FBXL17: variants seen among roughly 807,000 people sequenced by gnomAD.
FBXL17 encodes F-box/LRR-repeat protein 17.
Under a neutral mutation model 66.2 loss-of-function variants are expected in FBXL17, and 22 were observed. That is an observed-to-expected ratio of 0.33 (90% confidence interval 0.24 to 0.47). FBXL17 has a LOEUF of 0.47. Ranked by LOEUF, FBXL17 falls within the 20% of genes least tolerant of loss-of-function variation. The pLI, the probability that FBXL17 is intolerant of heterozygous loss-of-function variation, is 1.00. For synonymous variants in FBXL17, 474 were observed against 400.5 expected, an observed-to-expected ratio of 1.18 and a Z score of -2.19; for missense variants, 878 against 948.2, an observed-to-expected ratio of 0.93 and a Z score of 0.97.
At chr5:108,079,488 C>G (rs1748683124) in intron 6 of FBXL17, among the ~76,000 whole-genome samples, 1 of 152,034 alleles carries the variant, frequency 6.6e-6, no homozygotes, top group Admixed American at 6.5e-5. Context: ...ATGAAAGACA[C>G]TGGGTAGAGT....
chr5:108,034,574 A>G (rs563681195), intron 6 of FBXL17, among the ~76,000 whole-genome samples: 1 of 152,280 alleles, frequency 6.6e-6, no homozygotes, highest in South Asian at 2.1e-4. Flanking sequence ...AAATTGCTCA[A>G]TTTTAAGAAA....
intron 7 of FBXL17, among the ~76,000 whole-genome samples, chr5:107,978,810 G>T (rs866172248): frequency 6.6e-6 from 1 of 152,200 alleles, no homozygotes; most frequent in Non-Finnish European, 1.5e-5. Flanking sequence ...CTGTTGTCTT[G>T]CATGTGGCTA....
rs866190287 is a variant in FBXL17 at position 107,974,818 on chromosome 5, T to C, written c.1822+46107A>G. Among the ~76,000 whole-genome samples, 11 of 152,196 alleles carry C rather than the reference T, an allele frequency of 7.2e-5. No homozygotes were observed. In the Middle Eastern group the frequency reaches 0.01, roughly 141 times the overall value. ...TCTCACTAGACTCAGATTTATGGAA[T>C]GTTTGATAAAGAGACATCTACTAAC... On this transcript the variant is annotated intron_variant, in intron 7 of 8. Transcript: ENST00000542267.
At chr5:108,367,802 T>C (rs183744963) in intron 2 of FBXL17, 29 bp downstream of exon 2, 1 of 1,536,902 alleles carries the variant, frequency 6.5e-7, no homozygotes, top group Non-Finnish European at 8.8e-7. Flanking sequence ...GTAGGTCATA[T>C]GAGTGTTACT....
intron 6 of FBXL17, among the ~76,000 whole-genome samples, chr5:108,139,183 G>C (rs963522748): frequency 1.3e-5 from 2 of 152,184 alleles, no homozygotes; most frequent in African/African-American, 4.8e-5. Flanking sequence ...GGACCACTGG[G>C]GAAAGGGCAA....
At chr5:108,372,348 G>A (rs975319252) in intron 1 of FBXL17, among the ~76,000 whole-genome samples, 1 of 152,146 alleles carries the variant, frequency 6.6e-6, no homozygotes, top group Non-Finnish European at 1.5e-5. Context: ...AAAAGAGAGT[G>A]AAAGAGGCCT....
chr5:108,131,214 T>C (rs1224694490), intron 6 of FBXL17, among the ~76,000 whole-genome samples: 1 of 152,164 alleles, frequency 6.6e-6, no homozygotes, highest in Admixed American at 6.5e-5. Flanking sequence ...TCCTTGAGCA[T>C]CTAATGAATC....
At chr5:108,093,968 C>T (rs763806722) in intron 6 of FBXL17, among the ~76,000 whole-genome samples, 14 of 152,066 alleles carry the variant, frequency 9.2e-5, no homozygotes, top group African/African-American at 2.9e-4. Context: ...TAATTTTAGA[C>T]GTCTGTATTC....
intron 7 of FBXL17, among the ~76,000 whole-genome samples, chr5:107,902,227 C>T (rs1430291116): frequency 2.6e-5 from 4 of 151,930 alleles, no homozygotes; most frequent in Admixed American, 1.3e-4. Context: ...TCAGCAGTTC[C>T]GAAGTTAGCT....
intron 7 of FBXL17, among the ~76,000 whole-genome samples, chr5:107,895,676 A>T (rs1400964845): frequency 6.6e-6 from 1 of 152,060 alleles, no homozygotes; most frequent in Non-Finnish European, 1.5e-5. Flanking sequence ...ATTGTAAATG[A>T]TTCTATGTTT....
intron 7 of FBXL17, among the ~76,000 whole-genome samples, chr5:107,987,028 T>C (rs1753036763): frequency 6.6e-6 from 1 of 151,988 alleles, no homozygotes; most frequent in African/African-American, 2.4e-5. Flanking sequence ...GACAAAAATG[T>C]CACATAACTG....
chr5:108,310,020 C>G (rs1357575282), intron 4 of FBXL17, among the ~76,000 whole-genome samples: 1 of 152,076 alleles, frequency 6.6e-6, no homozygotes, highest in East Asian at 1.9e-4. Context: ...TATCAAAATG[C>G]AAAATATTAT....
rs1748088081 is a variant in FBXL17 at position 107,860,348 on chromosome 5, T to C, written c.*1372A>G. 6.6e-6 allele frequency: 1 copy of C among 152,656 alleles called. No individual in the cohort carries two copies. The highest frequency in any genetic ancestry group is 6.5e-5 in the Admixed American group (1 of 15,286). 9.5% of individuals were successfully genotyped at this position (152,656 alleles called of 1,614,324 possible). Reference sequence around the variant, plus strand: ...TTGTTTCTAGTTCTACTGTGAAAGATAATCACTCTTTAGCTTAAAAAGGCT... The same window carrying C: ...TTGTTTCTAGTTCTACTGTGAAAGACAATCACTCTTTAGCTTAAAAAGGCT... On this transcript the variant is annotated 3_prime_UTR_variant, in exon 9 of 9. Transcript: ENST00000542267.
chr5:107,923,166 G>A (rs1288246269), intron 7 of FBXL17, among the ~76,000 whole-genome samples: 2 of 152,098 alleles, frequency 1.3e-5, no homozygotes, highest in African/African-American at 2.4e-5. Flanking sequence ...AAACAAGGCA[G>A]GAATTGAAAT....
At chr5:108,031,167 G>A (rs1199499611) in intron 6 of FBXL17, among the ~76,000 whole-genome samples, 1 of 152,174 alleles carries the variant, frequency 6.6e-6, no homozygotes, top group African/African-American at 2.4e-5. Flanking sequence ...AGTAATTTAA[G>A]TTTGTGGAGA....
intron 7 of FBXL17, among the ~76,000 whole-genome samples, chr5:107,992,332 G>C (rs151227404): frequency 1.1e-3 from 164 of 152,178 alleles, no homozygotes; most frequent in African/African-American, 3.7e-3. Context: ...GAAAAGTATA[G>C]TATTAAACAC....
At chr5:107,984,983 T>C (rs936112794) in intron 7 of FBXL17, among the ~76,000 whole-genome samples, 3 of 152,228 alleles carry the variant, frequency 2.0e-5, no homozygotes, top group African/African-American at 4.8e-5. Flanking sequence ...ATTAGTATGG[T>C]GTATACAATA....
chr5:107,883,376 C>T (rs931824601), intron 7 of FBXL17, among the ~76,000 whole-genome samples: 2 of 151,974 alleles, frequency 1.3e-5, no homozygotes, highest in African/African-American at 4.8e-5. Flanking sequence ...TAGGCCATGC[C>T]ACCAGTGGTG....
chr5:108,091,666 T>A lies in FBXL17; in HGVS notation c.1746-70665A>T, dbSNP rs780165851. On this transcript the variant is annotated intron_variant, in intron 6 of 8. Transcript: ENST00000542267. ...ATCAGGCCTTATACTTTCCCCCTAC[T>A]TCTTACACACACAGCACATACCCTC... 7.2e-4 allele frequency among the ~76,000 whole-genome samples: 110 copies of A among 152,190 alleles called. 1 individual carries two copies. The highest frequency in any genetic ancestry group is 1.3e-3 in the Non-Finnish European group (86 of 68,026).
Sources: gnomAD v4.1 joint callset for allele counts (sites outside exome capture counted in the v4.1 genomes callset) on GRCh38, gnomAD v4.1.1 for gene constraint, MANE v1.5 for transcripts, NCBI Gene and HGNC (gene_info 2026-07-23, HGNC 2026-07-21) for gene names.